BAIAP2: variants seen among roughly 807,000 people sequenced by gnomAD.
BAIAP2 encodes the protein BAR/IMD domain-containing adapter protein 2.
BAIAP2 carries 18 observed loss-of-function variants against 63.0 expected under a neutral mutation model. The observed-to-expected ratio is 0.29, with a 90% CI of 0.20 to 0.42. The LOEUF (loss-of-function observed/expected upper bound fraction) is 0.42, where lower values mean the gene tolerates loss of function less well. Among genes scored for constraint, BAIAP2 ranks in the 10% least tolerant of loss-of-function variants. BAIAP2 has a pLI of 1.00. For synonymous variants in BAIAP2, 386 were observed against 307.6 expected (o/e 1.25, Z -2.67); for missense variants, 610 against 734.3 (o/e 0.83, Z 1.96).
intron 3 of BAIAP2, among the ~76,000 whole-genome samples, chr17:81,077,714 G>A (rs1297217866): frequency 6.6e-6 from 1 of 152,250 alleles, no homozygotes; most frequent in African/African-American, 2.4e-5. Flanking sequence ...CTGTGGGAGC[G>A]GGTGCCGTCT....
rs1038623285 is a variant in BAIAP2, at chr17:81,049,376, C to A, written c.55-4292C>A. On this transcript the variant is annotated intron_variant, in intron 1 of 13. Transcript: ENST00000428708. ...TGTGGACAGCTGGGCTTCAAACTCACTTCAGAGCCGCCGTGTGGGGGTGGC... is the reference window on the plus strand; with the variant it reads ...TGTGGACAGCTGGGCTTCAAACTCAATTCAGAGCCGCCGTGTGGGGGTGGC... Among the ~76,000 whole-genome samples, 4 of 152,350 alleles carry A rather than the reference C, an allele frequency of 2.6e-5. No homozygotes were observed. The East Asian group carries it at 7.7e-4, about 29-fold the overall frequency.
chr17:81,076,275 G>A (rs1452482436), intron 3 of BAIAP2: 2 of 152,226 alleles, frequency 1.3e-5, no homozygotes, highest in African/African-American at 2.4e-5. Context: ...GTCTAGCCTG[G>A]GGCAGACAGG....
At position 81,097,811 on chromosome 17, in the gene BAIAP2, G is replaced by A. The variant is rs200017282; in HGVS notation, c.490-2117G>A. 9.7e-5 allele frequency: 28 copies of A among 287,990 alleles called. No individual in the cohort carries two copies. The East Asian group carries it at 1.4e-3, about 14-fold the overall frequency. The allele number at this position is 287,990 out of a possible 1,614,324, so 17.8% of individuals were successfully genotyped here. A position where few individuals can be genotyped will look rare whatever the true frequency, so the allele number is the denominator to read the frequency against. On this transcript the variant is annotated intron_variant, in intron 6 of 13. Coordinates refer to ENST00000428708, the MANE Select transcript of BAIAP2 (RefSeq NM_001144888.2). The stretch of plus-strand genomic sequence containing the variant: ...AGCCTCCTGCGGCCTCCCAGGAGGG[G>A]CCTGGGTGTGTCCCTGGGGACAGGG...
In BAIAP2 at chr17:81,115,557, C is replaced by T. The variant is rs115514658; in HGVS notation, c.1536-213C>T. On this transcript the variant is annotated intron_variant, in intron 13 of 13. Coordinates refer to ENST00000428708, the MANE Select transcript of BAIAP2 (RefSeq NM_001144888.2). ...TGGGGGCACCCTGCCTTGTCTAGGG[C>T]ACATAGTGGACTTGGGGGTCAGGCA... Among the ~76,000 whole-genome samples, 547 of 152,308 alleles carry T rather than the reference C, an allele frequency of 3.6e-3. 3 individuals are homozygous for T. Among genetic ancestry groups the T allele is most frequent in the African/African-American group, 0.013 (523 of 41,554 alleles).
At position 81,106,081 on chromosome 17, in the gene BAIAP2, G is replaced by T. The variant is rs1477488134; in HGVS notation, c.1272G>T (p.Arg424=). 2 of 1,576,338 alleles carry T rather than the reference G, an allele frequency of 1.3e-6. No homozygotes were observed. Among genetic ancestry groups the T allele is most frequent in the Admixed American group, 3.7e-5 (2 of 54,190 alleles). The change falls in exon 11 of 14, where the codon CGG becomes CGT. Residue 424 remains arginine, a synonymous_variant. Coordinates refer to ENST00000428708, the MANE Select transcript of BAIAP2 (RefSeq NM_001144888.2). ...HYGESEKTKM[R]GWFPFSYTRV... ...TTACCTGGGGCCTCTCTTCCAGGCG[G>T]GGCTGGTTTCCCTTCTCCTACACCC... is the stretch of plus-strand genomic sequence containing the variant.
intron 1 of BAIAP2, among the ~76,000 whole-genome samples, chr17:81,039,879 C>T (rs4969359): frequency 0.011 from 1,706 of 152,284 alleles, 64 homozygotes; most frequent in Admixed American, 0.078. Context: ...CTTCCGAGCT[C>T]CAGGAGGCAG....
intron 6 of BAIAP2, among the ~76,000 whole-genome samples, chr17:81,088,864 G>T (rs570486979): frequency 6.6e-6 from 1 of 152,232 alleles, no homozygotes; most frequent in East Asian, 1.9e-4. Context: ...GCATAGGGCC[G>T]GACAAAGGCA....
intron 6 of BAIAP2, among the ~76,000 whole-genome samples, chr17:81,090,316 A>G (rs2056490371): frequency 6.6e-6 from 1 of 152,128 alleles, no homozygotes; most frequent in African/African-American, 2.4e-5. Context: ...GCCGACATCA[A>G]CCTTCTCACG....
At chr17:81,109,295 G>A in intron 13 of BAIAP2, 1 of 1,215,984 alleles carries the variant, frequency 8.2e-7, no homozygotes. Context: ...GCCTCACCCT[G>A]CAGTGTCTGT....
chr17:81,035,422 G>T lies in BAIAP2; in HGVS notation c.54+114G>T, dbSNP rs539275802. On this transcript the variant is annotated intron_variant, in intron 1 of 13. Transcript: ENST00000428708. ...CCGGGGCCGCGCGCCGGGCCAGGAG[G>T]CTGGGACTTTGGGGGTCTTCCCGGC... is the stretch of plus-strand genomic sequence containing the variant. The T allele has an allele frequency of 4.1e-4, 227 of 547,824 alleles. 1 individual carries two copies. In the African/African-American group the frequency reaches 4.6e-3, roughly 11 times the overall value. 33.9% of individuals were successfully genotyped at this position (547,824 alleles called of 1,614,324 possible). A position where few individuals can be genotyped will look rare whatever the true frequency, so the allele number is the denominator to read the frequency against.
intron 6 of BAIAP2, among the ~76,000 whole-genome samples, chr17:81,097,041 G>A (rs969888973): frequency 1.3e-5 from 2 of 152,212 alleles, no homozygotes; most frequent in African/African-American, 4.8e-5. Flanking sequence ...ATGGAGCAGA[G>A]CTTGCTGGAA....
chr17:81,068,923 G>T (rs546527219), intron 3 of BAIAP2, among the ~76,000 whole-genome samples: 11 of 152,098 alleles, frequency 7.2e-5, no homozygotes, highest in Non-Finnish European at 1.5e-4. Context: ...GCCCGCTGCC[G>T]AGCTCCAGCT....
intron 3 of BAIAP2, among the ~76,000 whole-genome samples, chr17:81,081,675 G>A (rs1380600804): frequency 2.0e-5 from 3 of 152,282 alleles, no homozygotes; most frequent in East Asian, 1.9e-4. Context: ...CTGGGGTAGG[G>A]CCCATGTCCT....
At chr17:81,071,575 C>G (rs997340295) in intron 3 of BAIAP2, among the ~76,000 whole-genome samples, 2 of 152,222 alleles carry the variant, frequency 1.3e-5, no homozygotes, top group East Asian at 1.9e-4. Context: ...CCAGTGCCTC[C>G]GGAAGCAACA....
rs747113283 is a variant in BAIAP2 at position 81,088,639 on chromosome 17, C to T, written c.489+2059C>T. The stretch of plus-strand genomic sequence containing the variant: ...TTGGTGCCTGGTGGCTCACGTGGCA[C>T]GGAGGGTTCTTAAAGCTCATCGTGC... On this transcript the variant is annotated intron_variant, in intron 6 of 13. Transcript: ENST00000428708. Among the ~76,000 whole-genome samples, 9 of 152,178 alleles carry T rather than the reference C, an allele frequency of 5.9e-5. No homozygotes were observed. The South Asian group carries it at 8.3e-4, about 14-fold the overall frequency.
intron 3 of BAIAP2, among the ~76,000 whole-genome samples, chr17:81,071,098 GA>G (rs929030337): frequency 1.8e-4 from 14 of 77,894 alleles, no homozygotes; most frequent in African/African-American, 4.2e-4. Context: ...CACAGACATT[GA>G]TTTTTTTTTT....
At chr17:81,091,044 C>T (rs1433430218) in intron 6 of BAIAP2, among the ~76,000 whole-genome samples, 1 of 146,774 alleles carries the variant, frequency 6.8e-6, no homozygotes, top group Non-Finnish European at 1.5e-5. Context: ...GTGCATTCCA[C>T]CCCGCCCCCA....
At chr17:81,043,967 G>A (rs12051877) in intron 1 of BAIAP2, among the ~76,000 whole-genome samples, 111,151 of 152,206 alleles carry the variant, frequency 0.73, 40,827 homozygotes, top group Middle Eastern at 0.8. Flanking sequence ...TGGTGGCCAC[G>A]ATCGCTAGCT....
At chr17:81,113,945 C>T (rs1483530345) in intron 13 of BAIAP2, among the ~76,000 whole-genome samples, 2 of 147,498 alleles carry the variant, frequency 1.4e-5, no homozygotes, top group Non-Finnish European at 1.5e-5. Context: ...TAGGACCCTT[C>T]TCTGGGAACC....
Sources: gnomAD v4.1 joint callset for allele counts (sites outside exome capture counted in the v4.1 genomes callset) on GRCh38, gnomAD v4.1.1 for gene constraint, MANE v1.5 for transcripts, NCBI Gene and HGNC (gene_info 2026-07-23, HGNC 2026-07-21) for gene names.